The following NGF variants were observed in gnomAD, a reference collection of about 807,000 sequenced individuals.
NGF encodes beta-nerve growth factor.
In NGF, 4 loss-of-function variants were observed where a neutral mutation model predicts 12.8. The observed-to-expected ratio is 0.31, with a 90% CI of 0.15 to 0.72. NGF has a LOEUF of 0.72. NGF is among the 30% of genes least tolerant of loss of function. NGF has a pLI of 0.69. For synonymous variants in NGF, 140 were observed against 130.0 expected, an observed-to-expected ratio of 1.08 and a Z score of -0.52; for missense variants, 283 against 330.8, an observed-to-expected ratio of 0.86 and a Z score of 1.12.
chr1:115,320,750 G>A (rs774208326), intron 1 of NGF, among the ~76,000 whole-genome samples: 3 of 152,242 alleles, frequency 2.0e-5, no homozygotes, highest in South Asian at 2.1e-4. Context: ...CTAAGGGGGT[G>A]ACCACTGTAT....
At chr1:115,300,970 G>A (rs1047505399) in intron 1 of NGF, among the ~76,000 whole-genome samples, 2 of 152,162 alleles carry the variant, frequency 1.3e-5, no homozygotes, top group African/African-American at 4.8e-5. Context: ...TCGAGCTTAT[G>A]TTAAGGAGTT....
At chr1:115,318,333 T>C (rs1000891930) in intron 1 of NGF, among the ~76,000 whole-genome samples, 4 of 152,006 alleles carry the variant, frequency 2.6e-5, no homozygotes, top group Non-Finnish European at 5.9e-5. Context: ...GGACAGTGCT[T>C]CCCCTCCAGG....
intron 2 of NGF, among the ~76,000 whole-genome samples, chr1:115,287,370 C>A (rs1013007845): frequency 6.6e-6 from 1 of 152,112 alleles, no homozygotes; most frequent in Non-Finnish European, 1.5e-5. Flanking sequence ...TGACTCGGAG[C>A]CCTTGTTATG....
chr1:115,319,346 T>C (rs924996661), intron 1 of NGF, among the ~76,000 whole-genome samples: 1 of 152,170 alleles, frequency 6.6e-6, no homozygotes, highest in Non-Finnish European at 1.5e-5. Flanking sequence ...CTGTATGCAC[T>C]GCAGACACAC....
In NGF at chr1:115,286,807, C is replaced by A; in HGVS notation, c.-12G>T. On this transcript the variant is annotated splice_region_variant and 5_prime_UTR_variant, in exon 3 of 3. Transcript: ENST00000369512. ...AACAACATGGACATTACGCTATGCA[C>A]CTGGAATGAAAAAGAAATGAGGGTG... The A allele has an allele frequency of 6.2e-7, 1 of 1,614,042 alleles. No individual in the cohort carries two copies. The highest frequency in any genetic ancestry group is 8.5e-7 in the Non-Finnish European group (1 of 1,180,028).
At chr1:115,302,352 G>A (rs1209003541) in intron 1 of NGF, among the ~76,000 whole-genome samples, 1 of 152,176 alleles carries the variant, frequency 6.6e-6, no homozygotes, top group Non-Finnish European at 1.5e-5. Context: ...CATAGGTGTT[G>A]TGCAAAACAG....
chr1:115,286,567 A>G lies in NGF; in HGVS notation c.229T>C (p.Phe77Leu), dbSNP rs751997242. The change falls in exon 3 of 3, where the codon TTT becomes CTT. Residue 77 changes from phenylalanine (F) to leucine (L), a missense_variant. Phe to Leu is a conservative substitution (Grantham distance 22). Around this residue, in one of 2 missense-constraint regions of NGF, gnomAD observed 151 missense variants for 141.6 expected, o/e 1.07. Transcript: ENST00000369512. The part of the protein sequence containing the change: ...TRNITVDPRL[F>L]KKRRLRSPRV... ...GGTGAACGGAGTCGCCGCTTTTTAAACAGCCTGGGGTCCACAGTAATGTTG... is the reference window on the plus strand; with the variant it reads ...GGTGAACGGAGTCGCCGCTTTTTAAGCAGCCTGGGGTCCACAGTAATGTTG... 1.9e-6 allele frequency: 3 copies of G among 1,614,042 alleles called. No individual in the cohort carries two copies. In the African/African-American group the frequency reaches 4.0e-5, roughly 22 times the overall value.
intron 1 of NGF, among the ~76,000 whole-genome samples, chr1:115,307,497 T>G (rs1002342391): frequency 1.3e-5 from 2 of 152,178 alleles, no homozygotes; most frequent in African/African-American, 4.8e-5. Context: ...AAGAAATCAC[T>G]GCACAAATCA....
intron 1 of NGF, among the ~76,000 whole-genome samples, chr1:115,336,936 C>T (rs568788681): frequency 6.6e-6 from 1 of 152,322 alleles, no homozygotes; most frequent in East Asian, 1.9e-4. Flanking sequence ...AACAATTAAT[C>T]AAGTGACTTT....
At chr1:115,325,262 A>T (rs1654741266) in intron 1 of NGF, among the ~76,000 whole-genome samples, 1 of 152,158 alleles carries the variant, frequency 6.6e-6, no homozygotes, top group South Asian at 2.1e-4. Context: ...ACACAACCAC[A>T]ACGGGAGGAG....
intron 1 of NGF, among the ~76,000 whole-genome samples, chr1:115,312,376 T>A (rs1369552246): frequency 6.6e-6 from 1 of 152,182 alleles, no homozygotes; most frequent in Non-Finnish European, 1.5e-5. Flanking sequence ...AATCCCATGC[T>A]AGGTACCACA....
chr1:115,327,623 A>G (rs1028869071), intron 1 of NGF, among the ~76,000 whole-genome samples: 1 of 152,190 alleles, frequency 6.6e-6, no homozygotes, highest in African/African-American at 2.4e-5. Context: ...AATTGATTCC[A>G]TTTGTCATTG....
chr1:115,328,125 C>T (rs993336806), intron 1 of NGF, among the ~76,000 whole-genome samples: 1 of 151,810 alleles, frequency 6.6e-6, no homozygotes, highest in African/African-American at 2.4e-5. Context: ...TCTCTGAGTA[C>T]TAGCGGTGAA....
Position 115,286,625 on chromosome 1 carries a change from C to T in NGF, c.171G>A (p.Ala57=), listed in dbSNP as rs746837424. 3.1e-6 allele frequency: 5 copies of T among 1,614,206 alleles called. No homozygotes were observed. Among genetic ancestry groups the T allele is most frequent in the African/African-American group, 2.7e-5 (2 of 75,062 alleles). ...GCCCCGCCACGCGTGCAGCTATCGC[C>T]GCTGCCGGGGCGCTGCGGGCTCTGC... ...ALRRARSAPA[A]AIAARVAGQT... The change falls in exon 3 of 3, where the codon GCG becomes GCA. Residue 57 remains alanine (A), a synonymous_variant. Coordinates refer to ENST00000369512, the MANE Select transcript of NGF (RefSeq NM_002506.3).
intron 2 of NGF, among the ~76,000 whole-genome samples, chr1:115,290,570 A>AT (rs1429151355): frequency 4.0e-5 from 6 of 149,762 alleles, no homozygotes; most frequent in Non-Finnish European, 8.9e-5. Flanking sequence ...TAATTTTTCT[A>AT]TTTTTTGCAG....
chr1:115,336,503 C>T (rs1305475314), intron 1 of NGF, among the ~76,000 whole-genome samples: 1 of 152,226 alleles, frequency 6.6e-6, no homozygotes, highest in Non-Finnish European at 1.5e-5. Context: ...AGCCCCCAGA[C>T]CCGCCTGTCT....
chr1:115,327,171 T>C (rs919546718), intron 1 of NGF, among the ~76,000 whole-genome samples: 2 of 152,238 alleles, frequency 1.3e-5, no homozygotes, highest in East Asian at 1.9e-4. Flanking sequence ...AATTCTGTAA[T>C]AGGTTCATAG....
At chr1:115,311,560 A>G (rs1654335939) in intron 1 of NGF, among the ~76,000 whole-genome samples, 1 of 152,204 alleles carries the variant, frequency 6.6e-6, no homozygotes, top group Non-Finnish European at 1.5e-5. Context: ...GATGATGCAC[A>G]CTTGCTATAA....
chr1:115,290,643 C>T (rs1020380063), intron 2 of NGF, among the ~76,000 whole-genome samples: 4 of 152,122 alleles, frequency 2.6e-5, no homozygotes, highest in Admixed American at 6.5e-5. Flanking sequence ...TCCGCCCCCT[C>T]GGCCTCCCAA....
Sources: allele counts gnomAD v4.1 joint callset (sites outside exome capture counted in the v4.1 genomes callset), GRCh38; gene constraint gnomAD v4.1.1; regional missense constraint gnomAD v4.1.1; transcripts MANE v1.5; gene names NCBI Gene and HGNC (gene_info 2026-07-23, HGNC 2026-07-21).